The following TBKBP1 variants were observed in gnomAD, a reference collection of about 807,000 sequenced individuals.
The protein encoded by TBKBP1 is TBK1 binding protein 1, also known as TANK-binding kinase 1-binding protein 1.
TBKBP1 carries 47 observed loss-of-function variants against 69.9 expected under a neutral mutation model. The observed-to-expected ratio is 0.67, with a 90% CI of 0.53 to 0.86. The LOEUF is 0.86. TBKBP1 is among the 40% of genes least tolerant of loss of function. The probability of loss-of-function intolerance (pLI) is 0.00; values close to 1 mark genes in which losing one functional copy is unlikely to be tolerated. For synonymous variants in TBKBP1, 418 were observed against 390.3 expected, an observed-to-expected ratio of 1.07 and a Z score of -0.84; for missense variants, 831 against 858.6, an observed-to-expected ratio of 0.97 and a Z score of 0.40.
At chr17:47,709,522 T>C in intron 9 of TBKBP1, 70 bp downstream of exon 9, 1 of 1,421,038 alleles carries the variant, frequency 7.0e-7, no homozygotes, top group Admixed American at 2.9e-5. Context: ...CGCCTCACCC[T>C]CCGTTGAGGG....
rs8078309 is a variant in TBKBP1, at chr17:47,696,706, T to C, written c.226-5T>C. The stretch of plus-strand genomic sequence containing the variant: ...CACTCTCCTGAAGCTCCACCCCACC[T>C]GCAGTACCCACTGATCAGTGACTTT... On this transcript the variant is annotated splice_polypyrimidine_tract_variant and splice_region_variant and intron_variant, in intron 2 of 9. Coordinates refer to ENST00000578982, the MANE Select transcript of TBKBP1 (RefSeq NM_001394755.1). The C allele has an allele frequency of 0.59, 952,691 of 1,613,542 alleles. 283,903 individuals are homozygous for C. The highest frequency in any genetic ancestry group is 0.76 in the African/African-American group (57,088 of 74,938).
At position 47,709,416 on chromosome 17, in the gene TBKBP1, C is replaced by T; in HGVS notation, c.1683C>T (p.Ala561=). Residue 561 remains alanine, a synonymous_variant, in exon 9 of 10, where the codon GCC becomes GCT. Transcript: ENST00000578982. ...IPESPAATAY[A]HAEHAQSWPS... is the part of the protein sequence containing the mutation. ...AGTCGCCCGCCGCCACCGCCTACGCCCACGCCGAGCACGCGCAGTCCTGGC... is the reference window on the plus strand; with the variant it reads ...AGTCGCCCGCCGCCACCGCCTACGCTCACGCCGAGCACGCGCAGTCCTGGC... The T allele has an allele frequency of 6.5e-7, 1 of 1,542,400 alleles. No individual in the cohort carries two copies. The highest frequency in any genetic ancestry group is 8.7e-7 in the Non-Finnish European group (1 of 1,152,686).
intron 5 of TBKBP1, 128 bp from the exon 6 acceptor site, chr17:47,699,192 A>T: frequency 9.5e-7 from 1 of 1,054,120 alleles, no homozygotes; most frequent in South Asian, 2.6e-5. Flanking sequence ...TGTCGCAGTC[A>T]TCCCTCCTTG....
chr17:47,702,689 G>T (rs1213452544), intron 7 of TBKBP1, among the ~76,000 whole-genome samples: 5 of 152,122 alleles, frequency 3.3e-5, no homozygotes, highest in African/African-American at 1.2e-4. Flanking sequence ...GAAACCCATG[G>T]TTTGGTTTGC....
Position 47,710,594 on chromosome 17 carries a change from A to G in TBKBP1, c.1816A>G (p.Ile606Val). The change falls in exon 10 of 10, where the codon ATT becomes GTT. Residue 606 changes from isoleucine (I) to valine (V), a missense_variant. Transcript: ENST00000578982. ...GYPDDALIKH[I>V]DSHLENSKI ...CCCGGATGATGCCCTCATCAAACAC[A>G]TTGACTCCCACCTGGAGAACAGCAA... 6.2e-7 allele frequency: 1 copy of G among 1,610,320 alleles called. No homozygotes were observed. Among genetic ancestry groups the G allele is most frequent in the Non-Finnish European group, 8.5e-7 (1 of 1,177,338 alleles).
chr17:47,704,267 G>C (rs1328688399), intron 7 of TBKBP1, among the ~76,000 whole-genome samples: 1 of 152,188 alleles, frequency 6.6e-6, no homozygotes, highest in Non-Finnish European at 1.5e-5. Context: ...CCAGGCTCTG[G>C]GGACCCCACC....
chr17:47,694,723 CTGGGGGGG>C (rs2031138301), intron 1 of TBKBP1: 1 of 147,124 alleles, frequency 6.8e-6, no homozygotes, highest in Admixed American at 6.7e-5. Context: ...GGGCGGGGGT[CTGGGGGGG>C]TGTGGTAAGC....
chr17:47,696,267 A>G lies in TBKBP1; in HGVS notation c.155A>G (p.Lys52Arg), dbSNP rs1567902893. 3 of 1,613,678 alleles carry G rather than the reference A, an allele frequency of 1.9e-6. No individual in the cohort carries two copies. The highest frequency in any genetic ancestry group is 1.7e-6 in the Non-Finnish European group (2 of 1,179,852). The change falls in exon 2 of 10, where the codon AAG (lysine) becomes AGG (arginine). Residue 52 changes from lysine to arginine, a missense_variant. Coordinates refer to ENST00000578982, the MANE Select transcript of TBKBP1 (RefSeq NM_001394755.1). ...FALITAYGDI[K>R]ERLGGLEREN... ...CTCATCACTGCTTACGGAGACATCA[A>G]GGAACGGCTGGGGGGCCTGGAGAGG...
intron 7 of TBKBP1, among the ~76,000 whole-genome samples, chr17:47,704,400 G>T (rs768211849): frequency 1.3e-5 from 2 of 152,228 alleles, no homozygotes; most frequent in African/African-American, 2.4e-5. Flanking sequence ...TCCGTTCCAC[G>T]GCCCGGTGCC....
intron 7 of TBKBP1, among the ~76,000 whole-genome samples, chr17:47,702,994 G>GA (rs1281714306): frequency 1.4e-4 from 5 of 34,894 alleles, no homozygotes; most frequent in Non-Finnish European, 2.8e-4. Context: ...GCGGGGGGGG[G>GA]AACTTCTTGA....
In TBKBP1 at chr17:47,696,139, C is replaced by T. The variant is rs1426995398; in HGVS notation, c.27C>T (p.Ile9=). MESMFEDD[I]SILTQEALGP... is the part of the protein sequence containing the mutation. ...TGGAGTCCATGTTCGAGGACGACAT[C>T]AGCATCCTGACGCAGGAGGCCCTGG... The change falls in exon 2 of 10, where the codon ATC becomes ATT. Residue 9 remains isoleucine, a synonymous_variant. Coordinates refer to ENST00000578982, the MANE Select transcript of TBKBP1 (RefSeq NM_001394755.1). The T allele has an allele frequency of 6.2e-7, 1 of 1,612,640 alleles. No individual in the cohort carries two copies. The highest frequency in any genetic ancestry group is 8.5e-7 in the Non-Finnish European group (1 of 1,179,576).
chr17:47,709,225 G>T lies in TBKBP1; in HGVS notation c.1492G>T (p.Gly498Cys), dbSNP rs747720516. ...KPRAYGSELY[G>C]PGRPLSPRRA... The stretch of plus-strand genomic sequence containing the variant: ...CCGGGCCTACGGCAGCGAGCTCTAC[G>T]GCCCTGGCAGGCCCCTCAGCCCGCG... Residue 498 changes from glycine to cysteine, a missense_variant, in exon 9 of 10, where the codon GGC becomes TGC. Physicochemically the swap from Gly to Cys is radical, Grantham distance 159. Transcript: ENST00000578982. The T allele has an allele frequency of 3.9e-6, 6 of 1,523,564 alleles. No individual in the cohort carries two copies. Among genetic ancestry groups the T allele is most frequent in the Non-Finnish European group, 5.2e-6 (6 of 1,144,922 alleles). The allele number at this position is 1,523,564 out of a possible 1,614,324, so 94.4% of individuals were successfully genotyped here.
chr17:47,709,462 G>GCGC lies in TBKBP1; in HGVS notation c.1719+12_1719+14dup, dbSNP rs776241317. On this transcript the variant is annotated intron_variant, in intron 9 of 9. Transcript: ENST00000578982. Reference sequence around the variant, plus strand: ...CTGGCCGTCCATCAACGTGAGTGGGGCGCCCGCGTTCCGCCCACCCCGGAC... The same window carrying GCGC: ...CTGGCCGTCCATCAACGTGAGTGGGGCGCCGCCCGCGTTCCGCCCACCCCGGAC... 8.2e-5 allele frequency: 124 copies of GCGC among 1,510,174 alleles called. No individual in the cohort carries two copies. Among genetic ancestry groups the GCGC allele is most frequent in the Middle Eastern group, 2.3e-4 (1 of 4,288 alleles). The allele number at this position is 1,510,174 out of a possible 1,614,324, so 93.5% of individuals were successfully genotyped here. A position where few individuals can be genotyped will look rare whatever the true frequency, so the allele number is the denominator to read the frequency against.
chr17:47,704,578 C>T (rs767079351), intron 7 of TBKBP1, among the ~76,000 whole-genome samples: 1 of 152,174 alleles, frequency 6.6e-6, no homozygotes, highest in Non-Finnish European at 1.5e-5. Flanking sequence ...TTCTGTTTTC[C>T]TCCCAATTCT....
intron 2 of TBKBP1, among the ~76,000 whole-genome samples, 156 bp from the exon 3 acceptor site, chr17:47,696,555 G>A (rs1281053986): frequency 6.6e-6 from 1 of 152,136 alleles, no homozygotes; most frequent in African/African-American, 2.4e-5. Flanking sequence ...CGGTGGGTGG[G>A]AGATGGCTAC....
At chr17:47,699,153 C>T (rs979769406) in intron 5 of TBKBP1, among the ~76,000 whole-genome samples, 167 bp from the exon 6 acceptor site, 1 of 152,162 alleles carries the variant, frequency 6.6e-6, no homozygotes, top group African/African-American at 2.4e-5. Context: ...ATTAGAAATG[C>T]GGCTCAGCCC....
At chr17:47,706,790 C>T (rs2031710374) in intron 7 of TBKBP1, among the ~76,000 whole-genome samples, 1 of 151,786 alleles carries the variant, frequency 6.6e-6, no homozygotes, top group Non-Finnish European at 1.5e-5. Context: ...AAGCCCTAAC[C>T]TCACGACTTC....
rs1464925160 is a variant in TBKBP1, at chr17:47,696,324, T to G, written c.212T>G (p.Val71Gly). 1.2e-6 allele frequency: 2 copies of G among 1,612,792 alleles called. No individual in the cohort carries two copies. Among genetic ancestry groups the G allele is most frequent in the South Asian group, 2.2e-5 (2 of 91,072 alleles). The change falls in exon 2 of 10, where the codon GTC (valine) becomes GGC (glycine). Residue 71 changes from valine to glycine, a missense_variant. By Grantham distance (109) the Val-to-Gly change is moderately radical. Coordinates refer to ENST00000578982, the MANE Select transcript of TBKBP1 (RefSeq NM_001394755.1). Reference protein sequence around the residue: ...ENATLRRRLKVYEIKYPLISD... With the variant: ...ENATLRRRLKGYEIKYPLISD... ...GCCACCCTCCGACGCCGCCTCAAAG[T>G]CTACGAGATCAAGGTCAGAACTTGG...
chr17:47,696,323 G>A lies in TBKBP1; in HGVS notation c.211G>A (p.Val71Ile), dbSNP rs747490795. ...ENATLRRRLK[V>I]YEIKYPLISD... ...CGCCACCCTCCGACGCCGCCTCAAA[G>A]TCTACGAGATCAAGGTCAGAACTTG... The change falls in exon 2 of 10, where the codon GTC becomes ATC. Residue 71 changes from valine to isoleucine, a missense_variant. Coordinates refer to ENST00000578982, the MANE Select transcript of TBKBP1 (RefSeq NM_001394755.1). 6 of 1,613,034 alleles carry A rather than the reference G, an allele frequency of 3.7e-6. No homozygotes were observed. The Admixed American group carries it at 5.0e-5, about 13-fold the overall frequency.
Sources: allele counts gnomAD v4.1 joint callset (sites outside exome capture counted in the v4.1 genomes callset), GRCh38; gene constraint gnomAD v4.1.1; transcripts MANE v1.5; gene names NCBI Gene and HGNC (gene_info 2026-07-23, HGNC 2026-07-21).